Variants in SEMA3E observed in about 807,000 individuals in gnomAD.
SEMA3E encodes semaphorin-3E.
SEMA3E carries 49 observed loss-of-function variants against 93.6 expected under a neutral mutation model. That is an observed-to-expected ratio of 0.52 (90% CI 0.42 to 0.66). The LOEUF (loss-of-function observed/expected upper bound fraction) is 0.66. Among genes scored for constraint, SEMA3E ranks in the 30% least tolerant of loss-of-function variants. The pLI is 0.00. For synonymous variants in SEMA3E, 363 were observed against 330.7 expected (o/e 1.10, Z -1.06); for missense variants, 906 against 964.8 (o/e 0.94, Z 0.81).
intron 1 of SEMA3E, among the ~76,000 whole-genome samples, chr7:83,511,621 A>G (rs776094698): frequency 2.0e-5 from 3 of 152,192 alleles, no homozygotes; most frequent in Non-Finnish European, 4.4e-5. Flanking sequence ...GCGGTGGCTC[A>G]TGCCTGTAAT....
At position 83,469,300 on chromosome 7, in the gene SEMA3E, T is replaced by C. The variant is rs1256360650; in HGVS notation, c.279A>G (p.Ile93Met). 6 of 1,605,948 alleles carry C rather than the reference T, an allele frequency of 3.7e-6. No homozygotes were observed. Among genetic ancestry groups the C allele is most frequent in the Non-Finnish European group, 5.1e-6 (6 of 1,173,606 alleles). Reference sequence around the variant, plus strand: ...TTTTTAGAGCTGTACTCGGCCAGTGTATCTAAAATAAAAGATAATGTACTA... The same window carrying C: ...TTTTTAGAGCTGTACTCGGCCAGTGCATCTAAAATAAAAGATAATGTACTA... ...LERISDGYKE[I>M]HWPSTALKME... The change falls in exon 3 of 17, where the codon ATA becomes ATG. Residue 93 changes from isoleucine (I) to methionine (M), a missense_variant and splice_region_variant. Physicochemically the swap from Ile to Met is conservative, Grantham distance 10. Coordinates refer to ENST00000643230, the MANE Select transcript of SEMA3E (RefSeq NM_012431.3).
chr7:83,498,013 A>G (rs1790522186), intron 1 of SEMA3E, among the ~76,000 whole-genome samples: 1 of 152,202 alleles, frequency 6.6e-6, no homozygotes, highest in South Asian at 2.1e-4. Flanking sequence ...GTGAAGATGT[A>G]TTTAATGATT....
chr7:83,573,227 G>C (rs1342807502), intron 1 of SEMA3E, among the ~76,000 whole-genome samples: 1 of 151,964 alleles, frequency 6.6e-6, no homozygotes, highest in African/African-American at 2.4e-5. Flanking sequence ...ATTAAAAATA[G>C]ATAAAATACA....
intron 16 of SEMA3E, among the ~76,000 whole-genome samples, chr7:83,374,534 T>C (rs1794794963): frequency 6.6e-6 from 1 of 152,110 alleles, no homozygotes; most frequent in Non-Finnish European, 1.5e-5. Flanking sequence ...ATGTCCACAT[T>C]TAGGGGAATT....
intron 12 of SEMA3E, 38 bp downstream of exon 12, chr7:83,396,600 A>C: frequency 1.7e-6 from 2 of 1,188,848 alleles, no homozygotes; most frequent in Non-Finnish European, 2.5e-6. Context: ...TTGTAGTTGT[A>C]ATGCATAAAT....
In SEMA3E at chr7:83,400,362, G is replaced by A. The variant is rs1788214672; in HGVS notation, c.1144-112C>T. On this transcript the variant is annotated intron_variant, in intron 10 of 16. Coordinates refer to ENST00000643230, the MANE Select transcript of SEMA3E (RefSeq NM_012431.3). ...TGAAGTTGTCAAATTAGTCAATTGT[G>A]CATTTAGAAATATTTAGTAATCATA... 4 of 966,114 alleles carry A rather than the reference G, an allele frequency of 4.1e-6. No homozygotes were observed. The East Asian group carries it at 7.4e-5, about 18-fold the overall frequency. The allele number at this position is 966,114 out of a possible 1,614,324, so 59.8% of individuals were successfully genotyped here.
chr7:83,431,659 C>G (rs1265453972), intron 4 of SEMA3E, among the ~76,000 whole-genome samples: 1 of 140,610 alleles, frequency 7.1e-6, no homozygotes, highest in African/African-American at 2.6e-5. Context: ...CCACCTCAGC[C>G]TCCCAAAATG....
At chr7:83,448,060 T>C (rs535591820) in intron 4 of SEMA3E, among the ~76,000 whole-genome samples, 3 of 152,344 alleles carry the variant, frequency 2.0e-5, no homozygotes, top group African/African-American at 4.8e-5. Flanking sequence ...TAGAGTTGAC[T>C]TATATTTAAA....
intron 4 of SEMA3E, among the ~76,000 whole-genome samples, chr7:83,458,851 T>G (rs1789547795): frequency 6.8e-6 from 1 of 147,664 alleles, no homozygotes; most frequent in Non-Finnish European, 1.5e-5. Context: ...ATTTTTCTTT[T>G]TTGTTATATA....
chr7:83,543,684 G>C (rs147617276), intron 1 of SEMA3E, among the ~76,000 whole-genome samples: 179 of 152,180 alleles, frequency 1.2e-3, no homozygotes, highest in African/African-American at 4.1e-3. Flanking sequence ...GATATAGATG[G>C]AAAGAGGTGA....
At chr7:83,406,981 G>A (rs1321811139) in intron 7 of SEMA3E, 116 bp downstream of exon 7, 2 of 1,210,190 alleles carry the variant, frequency 1.7e-6, no homozygotes, top group Non-Finnish European at 2.4e-6. Flanking sequence ...AATATCAATT[G>A]TAGGCAGTCT....
At position 83,367,508 on chromosome 7, in the gene SEMA3E, A is replaced by G; in HGVS notation, c.*78T>C. 1 of 1,416,412 alleles carries G rather than the reference A, an allele frequency of 7.1e-7. No homozygotes were observed. The highest frequency in any genetic ancestry group is 1.0e-6 in the Non-Finnish European group (1 of 1,002,346). The allele number at this position is 1,416,412 out of a possible 1,614,324, so 87.7% of individuals were successfully genotyped here. A position where few individuals can be genotyped will look rare whatever the true frequency, so the allele number is the denominator to read the frequency against. On this transcript the variant is annotated 3_prime_UTR_variant, in exon 17 of 17. Transcript: ENST00000643230. ...GAAATCTCTTTTAAGTAATGCAAAG[A>G]AGTTGGATGATTTATTTTTTTACTT...
chr7:83,505,819 T>C (rs1790691123), intron 1 of SEMA3E, among the ~76,000 whole-genome samples: 1 of 151,620 alleles, frequency 6.6e-6, no homozygotes, highest in South Asian at 2.1e-4. Context: ...ATCGAGAACA[T>C]CCTGGCTAAC....
intron 1 of SEMA3E, among the ~76,000 whole-genome samples, chr7:83,638,721 T>A (rs1404903151): frequency 6.6e-6 from 1 of 152,116 alleles, no homozygotes; most frequent in Non-Finnish European, 1.5e-5. Context: ...AAAGGTAATA[T>A]GAGCTTGAGG....
chr7:83,487,682 C>CGTGT (rs71074667), intron 2 of SEMA3E, among the ~76,000 whole-genome samples: 6,008 of 144,380 alleles, frequency 0.042, 181 homozygotes, highest in African/African-American at 0.067. Flanking sequence ...GGCAGGAGGT[C>CGTGT]GTGTGTGTGT....
intron 2 of SEMA3E, among the ~76,000 whole-genome samples, chr7:83,480,058 C>T (rs531845025): frequency 6.6e-6 from 1 of 152,230 alleles, no homozygotes; most frequent in African/African-American, 2.4e-5. Context: ...TGTGGAAAAT[C>T]TTACCATGCA....
At chr7:83,559,066 C>G (rs1791975089) in intron 1 of SEMA3E, among the ~76,000 whole-genome samples, 1 of 151,998 alleles carries the variant, frequency 6.6e-6, no homozygotes, top group South Asian at 2.1e-4. Context: ...AATAAAGCAC[C>G]AATAATTGGT....
chr7:83,392,136 A>G (rs1027959887), intron 14 of SEMA3E, among the ~76,000 whole-genome samples: 1 of 152,188 alleles, frequency 6.6e-6, no homozygotes, highest in African/African-American at 2.4e-5. Flanking sequence ...TAAATCACAC[A>G]TTTCATTAAT....
At chr7:83,629,915 A>C (rs572198887) in intron 1 of SEMA3E, among the ~76,000 whole-genome samples, 1 of 152,164 alleles carries the variant, frequency 6.6e-6, no homozygotes, top group East Asian at 1.9e-4. Context: ...GGGCTCTGGT[A>C]GTGCAGGCAC....
Sources: gnomAD v4.1 joint callset for allele counts (sites outside exome capture counted in the v4.1 genomes callset) on GRCh38, gnomAD v4.1.1 for gene constraint, MANE v1.5 for transcripts, NCBI Gene and HGNC (gene_info 2026-07-23, HGNC 2026-07-21) for gene names.